The following MTUS1 variants were observed in gnomAD, a reference collection of about 807,000 sequenced individuals.
MTUS1 encodes microtubule associated scaffold protein 1.
Under a neutral mutation model 120.8 loss-of-function variants are expected in MTUS1, and 109 were observed. The observed-to-expected ratio is 0.90, with a 90% CI of 0.77 to 1.06. The LOEUF (loss-of-function observed/expected upper bound fraction) is 1.06, where lower values mean the gene tolerates loss of function less well. Among genes scored for constraint, MTUS1 ranks in the 50% least tolerant of loss-of-function variants. The pLI is 0.00. For missense variants in MTUS1, 2,210 were observed against 1,486.3 expected (o/e 1.49, Z -8.01); for synonymous variants, 737 against 550.5 (o/e 1.34, Z -4.74).
At chr8:17,679,223 T>C (rs1305409881) in intron 7 of MTUS1, among the ~76,000 whole-genome samples, 2 of 151,732 alleles carry the variant, frequency 1.3e-5, no homozygotes, top group Non-Finnish European at 2.9e-5. Context: ...CAAATACCTA[T>C]ATATTATACA....
chr8:17,759,198 A>C (rs975230568), intron 1 of MTUS1, among the ~76,000 whole-genome samples: 1 of 152,216 alleles, frequency 6.6e-6, no homozygotes, highest in East Asian at 1.9e-4. Context: ...TATTTTTTAA[A>C]TAAGTATGTA....
intron 1 of MTUS1, among the ~76,000 whole-genome samples, chr8:17,796,925 A>C (rs2052287693): frequency 6.6e-6 from 1 of 152,190 alleles, no homozygotes; most frequent in Non-Finnish European, 1.5e-5. Context: ...CAAGTTGGCC[A>C]ACATGGTGAA....
At chr8:17,694,402 A>C (rs1471091435) in intron 6 of MTUS1, among the ~76,000 whole-genome samples, 2 of 152,202 alleles carry the variant, frequency 1.3e-5, no homozygotes, top group East Asian at 3.9e-4. Flanking sequence ...GTGGTAGCTC[A>C]TGTCTGTAAT....
chr8:17,657,205 G>GAA (rs199731040), intron 8 of MTUS1, among the ~76,000 whole-genome samples: 1 of 149,758 alleles, frequency 6.7e-6, no homozygotes, highest in African/African-American at 2.5e-5. Flanking sequence ...ATATCTTAGG[G>GAA]AAAAAAAAAC....
intron 6 of MTUS1, among the ~76,000 whole-genome samples, chr8:17,685,571 G>T (rs1815607570): frequency 6.6e-6 from 1 of 151,994 alleles, no homozygotes; most frequent in African/African-American, 2.4e-5. Context: ...AAGAAATTTA[G>T]TAATTACTGT....
chr8:17,765,821 C>T (rs1015440249), intron 1 of MTUS1, among the ~76,000 whole-genome samples: 1 of 151,818 alleles, frequency 6.6e-6, no homozygotes, highest in African/African-American at 2.4e-5. Flanking sequence ...CTCGTAAAGT[C>T]CATTACTACA....
chr8:17,705,532 T>C (rs1819986486), intron 6 of MTUS1: 1 of 152,216 alleles, frequency 6.6e-6, no homozygotes, highest in Non-Finnish European at 1.5e-5. Flanking sequence ...CCAACACCAA[T>C]TTGAAACAAA....
At chr8:17,794,099 C>A (rs899282901) in intron 1 of MTUS1, among the ~76,000 whole-genome samples, 1 of 152,086 alleles carries the variant, frequency 6.6e-6, no homozygotes, top group South Asian at 2.1e-4. Flanking sequence ...AGGCCAAGGC[C>A]GGTGGATCAC....
At chr8:17,680,464 C>CAAAAAAAAAAA (rs58490523) in intron 7 of MTUS1, among the ~76,000 whole-genome samples, 1 of 24,308 alleles carries the variant, frequency 4.1e-5, no homozygotes, top group Non-Finnish European at 8.6e-5. Flanking sequence ...GCCACTGTCG[C>CAAAAAAAAAAA]AAAAAAAAAA....
intron 4 of MTUS1, among the ~76,000 whole-genome samples, chr8:17,718,356 G>C (rs538721863): frequency 1.1e-4 from 17 of 152,300 alleles, no homozygotes; most frequent in African/African-American, 3.4e-4. Flanking sequence ...AATGGAACAG[G>C]ATGTAAAATA....
At chr8:17,751,224 G>A (rs142585319) in intron 2 of MTUS1, among the ~76,000 whole-genome samples, 312 of 152,260 alleles carry the variant, frequency 2.0e-3, no homozygotes, top group African/African-American at 7.2e-3. Flanking sequence ...GCGTGAACCT[G>A]GGAGGCAGAG....
chr8:17,743,560 T>C, intron 3 of MTUS1, 44 bp downstream of exon 3: 1 of 1,563,158 alleles, frequency 6.4e-7, no homozygotes, highest in Non-Finnish European at 8.7e-7. Context: ...TGTCCAATTT[T>C]ACATTCAATT....
intron 6 of MTUS1, among the ~76,000 whole-genome samples, chr8:17,694,925 T>C (rs777829588): frequency 6.6e-6 from 1 of 152,200 alleles, no homozygotes; most frequent in Non-Finnish European, 1.5e-5. Context: ...CCTTATTTTG[T>C]AGCCGTGTGA....
At chr8:17,788,879 G>C (rs769154836) in intron 1 of MTUS1, among the ~76,000 whole-genome samples, 90 of 152,082 alleles carry the variant, frequency 5.9e-4, no homozygotes, top group Non-Finnish European at 9.3e-4. Context: ...ATAGTACTGG[G>C]TCCAAAGTAT....
chr8:17,792,437 T>G (rs957265363), intron 1 of MTUS1, among the ~76,000 whole-genome samples: 2 of 152,252 alleles, frequency 1.3e-5, no homozygotes, highest in African/African-American at 4.8e-5. Flanking sequence ...TATAAAATGG[T>G]TTAGGTTTTC....
intron 7 of MTUS1, chr8:17,676,259 A>G (rs1311883211): frequency 2.8e-6 from 2 of 702,924 alleles, no homozygotes; most frequent in Admixed American, 4.0e-5. Flanking sequence ...AAAGCACTAT[A>G]AACAAATACT....
chr8:17,657,120 G>GAAATAACAA (rs1461015652), intron 8 of MTUS1, among the ~76,000 whole-genome samples: 2 of 146,800 alleles, frequency 1.4e-5, no homozygotes, highest in Non-Finnish European at 3.0e-5. Flanking sequence ...AATTTGAGTT[G>GAAATAACAA]ATTATAATTT....
chr8:17,765,332 A>T (rs2049392546), intron 1 of MTUS1, among the ~76,000 whole-genome samples: 1 of 152,140 alleles, frequency 6.6e-6, no homozygotes, highest in Non-Finnish European at 1.5e-5. Flanking sequence ...TGATGAATCA[A>T]AACTAGCTGT....
intron 1 of MTUS1, among the ~76,000 whole-genome samples, chr8:17,784,592 G>C (rs916021249): frequency 1.4e-4 from 22 of 151,838 alleles, no homozygotes; most frequent in African/African-American, 5.3e-4. Flanking sequence ...ACCATATTAA[G>C]AGACTTTCAA....
Sources: gnomAD v4.1 joint callset for allele counts (sites outside exome capture counted in the v4.1 genomes callset) on GRCh38, gnomAD v4.1.1 for gene constraint, MANE v1.5 for transcripts, NCBI Gene and HGNC (gene_info 2026-07-23, HGNC 2026-07-21) for gene names.